CRACR2A: variants seen among roughly 807,000 people sequenced by gnomAD.
CRACR2A encodes the protein EF-hand calcium-binding domain-containing protein 4B.
Under a neutral mutation model 90.5 loss-of-function variants are expected in CRACR2A, and 79 were observed. The ratio of observed to expected loss-of-function variants is 0.87; its 90% confidence interval spans 0.73 to 1.05. The LOEUF (loss-of-function observed/expected upper bound fraction) is 1.05. CRACR2A is among the 50% of genes least tolerant of loss of function. The pLI, the probability that CRACR2A is intolerant of heterozygous loss-of-function variation, is 0.00. For missense variants in CRACR2A, 823 were observed against 897.2 expected, an observed-to-expected ratio of 0.92 and a Z score of 1.06; for synonymous variants, 338 against 356.7, an observed-to-expected ratio of 0.95 and a Z score of 0.59.
chr12:3,681,748 A>G (rs1945458215), intron 4 of CRACR2A, among the ~76,000 whole-genome samples: 1 of 152,226 alleles, frequency 6.6e-6, no homozygotes, highest in Non-Finnish European at 1.5e-5. Flanking sequence ...CAGGTGTGAA[A>G]GCCCATAACA....
At chr12:3,615,806 T>C (rs138977166) in intron 19 of CRACR2A, among the ~76,000 whole-genome samples, 1 of 152,136 alleles carries the variant, frequency 6.6e-6, no homozygotes, top group African/African-American at 2.4e-5. Flanking sequence ...AGAAAATGAG[T>C]TGCTTGGGAC....
At chr12:3,664,371 T>C (rs2137526929) in intron 7 of CRACR2A, among the ~76,000 whole-genome samples, 1 of 152,354 alleles carries the variant, frequency 6.6e-6, no homozygotes, top group East Asian at 1.9e-4. Flanking sequence ...CTTTATATCC[T>C]TCTTGTACTT....
At chr12:3,690,643 G>C (rs1467043513) in intron 4 of CRACR2A, among the ~76,000 whole-genome samples, 1 of 152,158 alleles carries the variant, frequency 6.6e-6, no homozygotes, top group Non-Finnish European at 1.5e-5. Context: ...CTGTTGTTTG[G>C]GGGTGGAGAG....
intron 15 of CRACR2A, among the ~76,000 whole-genome samples, 167 bp from the exon 16 acceptor site, chr12:3,627,873 G>C (rs564405992): frequency 6.6e-6 from 1 of 152,294 alleles, no homozygotes; most frequent in South Asian, 2.1e-4. Context: ...AGCACTGGAT[G>C]GGGAGGCATG....
At chr12:3,666,364 T>TGTGTGTGTGTGCGC (rs765943563) in intron 7 of CRACR2A, among the ~76,000 whole-genome samples, 47 of 149,600 alleles carry the variant, frequency 3.1e-4, no homozygotes, top group African/African-American at 1.2e-3. Context: ...TGCGTGCGTG[T>TGTGTGTGTGTGCGC]GCGCGTGCGC....
In CRACR2A at chr12:3,662,657, A is replaced by G. The variant is rs1052513355; in HGVS notation, c.672-3003T>C. On this transcript the variant is annotated intron_variant, in intron 7 of 19. Coordinates refer to ENST00000440314, the MANE Select transcript of CRACR2A (RefSeq NM_001144958.2). The stretch of plus-strand genomic sequence containing the variant: ...GTTTGGAAAGGCTGATGCAATTGGG[A>G]AGATGAAGAAGAAATAACTCAGTCA... Among the ~76,000 whole-genome samples the G allele has an allele frequency of 2.6e-5, 4 of 152,316 alleles. No individual in the cohort carries two copies. The East Asian group carries it at 7.7e-4, about 29-fold the overall frequency.
rs777576785 is a variant in CRACR2A, at chr12:3,711,489, A to C, written c.-37+1748T>G. 6.6e-6 allele frequency among the ~76,000 whole-genome samples: 1 copy of C among 152,188 alleles called. No homozygotes were observed. Among genetic ancestry groups the C allele is most frequent in the Non-Finnish European group, 1.5e-5 (1 of 68,028 alleles). The stretch of plus-strand genomic sequence containing the variant: ...GCCAAGTTCTTTGCCACTTTATAAC[A>C]AGACTGGCCTTTCCTCTAGTGTCTA... On this transcript the variant is annotated intron_variant, in intron 3 of 19. Coordinates refer to ENST00000440314, the MANE Select transcript of CRACR2A (RefSeq NM_001144958.2). The surrounding 1 kb of genome is among the most constrained non-coding windows in gnomAD (Gnocchi z 4.3).
In CRACR2A at chr12:3,633,500, T is replaced by C. The variant is rs1403417340; in HGVS notation, c.1735+104A>G. 6.1e-6 allele frequency: 9 copies of C among 1,465,974 alleles called. No individual in the cohort carries two copies. The highest frequency in any genetic ancestry group is 2.1e-5 in the Admixed American group (1 of 48,638). The allele number at this position is 1,465,974 out of a possible 1,614,324, so 90.8% of individuals were successfully genotyped here. A position where few individuals can be genotyped will look rare whatever the true frequency, so the allele number is the denominator to read the frequency against. ...CAGTATCCCTACTGGCCAATCCCCA[T>C]GGCCCTTCCCATGGGCTTCTAACGC... On this transcript the variant is annotated intron_variant, in intron 15 of 19. Transcript: ENST00000440314. The surrounding 1 kb of genome is among the most constrained non-coding windows in gnomAD (Gnocchi z 4.5).
chr12:3,648,349 T>G, intron 11 of CRACR2A, 193 bp downstream of exon 11: 2 of 1,497,772 alleles, frequency 1.3e-6, no homozygotes, highest in Non-Finnish European at 1.8e-6. Flanking sequence ...TGGGCGCATG[T>G]GTAAACGGAC....
intron 7 of CRACR2A, among the ~76,000 whole-genome samples, chr12:3,661,668 A>C (rs1945041563): frequency 6.6e-6 from 1 of 152,224 alleles, no homozygotes; most frequent in Non-Finnish European, 1.5e-5. Flanking sequence ...GTTTGAAGGA[A>C]CTTTCAGAAA....
chr12:3,702,449 A>G (rs1289787210), intron 3 of CRACR2A, among the ~76,000 whole-genome samples: 1 of 152,242 alleles, frequency 6.6e-6, no homozygotes, highest in Non-Finnish European at 1.5e-5. Context: ...AGTGAATTTG[A>G]CAAGGTTGCA....
chr12:3,625,820 C>T (rs1378333293), intron 17 of CRACR2A, among the ~76,000 whole-genome samples: 5 of 151,780 alleles, frequency 3.3e-5, no homozygotes, highest in Non-Finnish European at 7.4e-5. Context: ...AGTCTGGAAA[C>T]CCCTGGATTA....
At chr12:3,734,786 G>T (rs1946424015) in intron 1 of CRACR2A, among the ~76,000 whole-genome samples, 1 of 152,162 alleles carries the variant, frequency 6.6e-6, no homozygotes, top group African/African-American at 2.4e-5. Context: ...GCAAATTTAT[G>T]ATGTCACTTA....
intron 18 of CRACR2A, 85 bp from the exon 19 acceptor site, chr12:3,617,115 T>C: frequency 1.0e-6 from 1 of 977,592 alleles, no homozygotes; most frequent in Non-Finnish European, 1.6e-6. Flanking sequence ...CTTGTGCATC[T>C]ACCTACAGCC....
Position 3,638,410 on chromosome 12 carries a change from C to A in CRACR2A, c.1316G>T (p.Ser439Ile). Residue 439 changes from serine (S) to isoleucine (I), a missense_variant, in exon 14 of 20, where the codon AGC becomes ATC. Physicochemically the swap from Ser to Ile is moderately radical, Grantham distance 142. Coordinates refer to ENST00000440314, the MANE Select transcript of CRACR2A (RefSeq NM_001144958.2). ...GGGATATCCACTCAGGCCCAGGGAG[C>A]TTCTCCTTGGGATGCCAAACACCTC... ...EEEVFGIPRRSSLGLSGYPLT... is the reference protein window; with the variant it reads ...EEEVFGIPRRISLGLSGYPLT... The A allele has an allele frequency of 6.5e-7, 1 of 1,548,686 alleles. No homozygotes were observed. Among genetic ancestry groups the A allele is most frequent in the Non-Finnish European group, 8.7e-7 (1 of 1,144,712 alleles).
chr12:3,693,592 T>C (rs1009339935), intron 4 of CRACR2A, among the ~76,000 whole-genome samples: 8 of 152,178 alleles, frequency 5.3e-5, no homozygotes, highest in African/African-American at 1.9e-4. Context: ...GATATGAAAT[T>C]CTGGGTTAGA....
At chr12:3,692,315 C>G (rs749259575) in intron 4 of CRACR2A, among the ~76,000 whole-genome samples, 3 of 151,342 alleles carry the variant, frequency 2.0e-5, no homozygotes, top group Non-Finnish European at 4.4e-5. Flanking sequence ...TTTTTTTTTC[C>G]TTTTATCCTA....
At chr12:3,625,560 G>A (rs1474788316) in intron 17 of CRACR2A, among the ~76,000 whole-genome samples, 1 of 149,858 alleles carries the variant, frequency 6.7e-6, no homozygotes, top group Non-Finnish European at 1.5e-5. Context: ...AAAAGGACAG[G>A]TGACCCTGGA....
intron 4 of CRACR2A, among the ~76,000 whole-genome samples, chr12:3,693,438 T>G (rs757846766): frequency 6.6e-6 from 1 of 152,238 alleles, no homozygotes; most frequent in Non-Finnish European, 1.5e-5. Flanking sequence ...TGACAGTTCC[T>G]CTAGGACTAA....
Sources: allele counts gnomAD v4.1 joint callset (sites outside exome capture counted in the v4.1 genomes callset), GRCh38; gene constraint gnomAD v4.1.1; non-coding constraint Gnocchi (gnomAD v3.1); transcripts MANE v1.5; gene names NCBI Gene and HGNC (gene_info 2026-07-23, HGNC 2026-07-21).